Variants in ARHGEF4 observed in about 807,000 individuals in gnomAD.
The protein encoded by ARHGEF4 is APC-stimulated guanine nucleotide exchange factor 1.
ARHGEF4 carries 119 observed loss-of-function variants against 162.0 expected under a neutral mutation model. The ratio of observed to expected loss-of-function variants is 0.73; its 90% confidence interval spans 0.63 to 0.86. The LOEUF is 0.86. Among genes scored for constraint, ARHGEF4 ranks in the 40% least tolerant of loss-of-function variants. The probability of loss-of-function intolerance (pLI) is 0.00; values close to 1 mark genes in which losing one functional copy is unlikely to be tolerated. For synonymous variants in ARHGEF4, 1,014 were observed against 979.9 expected, an observed-to-expected ratio of 1.03 and a Z score of -0.65; for missense variants, 2,488 against 2,456.0, an observed-to-expected ratio of 1.01 and a Z score of -0.28.
intron 1 of ARHGEF4, among the ~76,000 whole-genome samples, chr2:130,872,005 ACACCAGC>A (rs1376676784): frequency 6.6e-5 from 10 of 152,370 alleles, no homozygotes; most frequent in African/African-American, 2.4e-4. Flanking sequence ...GCCTAGCAGA[ACACCAGC>A]TGTGCATCTG....
chr2:130,850,371 C>G (rs905126800), intron 1 of ARHGEF4, among the ~76,000 whole-genome samples: 1 of 152,214 alleles, frequency 6.6e-6, no homozygotes, highest in Admixed American at 6.5e-5. Context: ...TACCCGTGTC[C>G]CAAGTCTGCC....
At chr2:131,044,565 G>A in intron 12 of ARHGEF4, 23 bp downstream of exon 12, 1 of 1,540,622 alleles carries the variant, frequency 6.5e-7, no homozygotes, top group Non-Finnish European at 8.8e-7. Flanking sequence ...GCTGGGCCTT[G>A]CCCCGCCCCC....
At chr2:130,952,218 A>G (rs951877385) in intron 4 of ARHGEF4, among the ~76,000 whole-genome samples, 18 of 152,168 alleles carry the variant, frequency 1.2e-4, no homozygotes, top group African/African-American at 4.1e-4. Context: ...ACTAGCAACA[A>G]ATTTTCTCAG....
chr2:130,961,968 C>T (rs1217389263), intron 4 of ARHGEF4, among the ~76,000 whole-genome samples: 13 of 152,184 alleles, frequency 8.5e-5, no homozygotes, highest in African/African-American at 2.2e-4. Flanking sequence ...AGGCCGGGCG[C>T]GGTGGCTCAT....
chr2:130,950,975 G>A (rs1374705936), intron 4 of ARHGEF4, among the ~76,000 whole-genome samples: 4 of 152,268 alleles, frequency 2.6e-5, no homozygotes, highest in East Asian at 3.9e-4. Flanking sequence ...CAGTGCTAGG[G>A]AGATGGCTTC....
intron 4 of ARHGEF4, among the ~76,000 whole-genome samples, chr2:130,956,043 G>A (rs932091631): frequency 1.3e-5 from 2 of 152,188 alleles, no homozygotes; most frequent in African/African-American, 4.8e-5. Context: ...CCTTGGGGAG[G>A]GAGAGCAGTA....
intron 4 of ARHGEF4, among the ~76,000 whole-genome samples, chr2:130,950,690 C>CCCCG (rs1553430113): frequency 3.4e-5 from 5 of 149,124 alleles, no homozygotes; most frequent in Middle Eastern, 3.2e-3. Context: ...GCTATTACCC[C>CCCCG]CCACCACCAC....
intron 4 of ARHGEF4, among the ~76,000 whole-genome samples, chr2:131,015,157 C>G (rs939975198): frequency 6.6e-6 from 1 of 152,156 alleles, no homozygotes; most frequent in Non-Finnish European, 1.5e-5. Flanking sequence ...GACGAAGGAG[C>G]CTGAGAGAAG....
rs1228385822 is a variant in ARHGEF4, at chr2:131,043,308, TCCTC to T, written c.5026-141_5026-138del. 3 of 1,096,114 alleles carry T rather than the reference TCCTC, an allele frequency of 2.7e-6. No homozygotes were observed. The African/African-American group carries it at 4.7e-5, about 17-fold the overall frequency. The allele number at this position is 1,096,114 out of a possible 1,614,324, so 67.9% of individuals were successfully genotyped here. On this transcript the variant is annotated intron_variant, in intron 10 of 13. Transcript: ENST00000409359. Reference sequence around the variant, plus strand: ...CTCACAGGCCAGACGTGCCACCTCTTCCTCCCCCTCCCACCATGGCCTGGCCAGG... The same window carrying T: ...CTCACAGGCCAGACGTGCCACCTCTTCCCCTCCCACCATGGCCTGGCCAGG...
intron 5 of ARHGEF4, among the ~76,000 whole-genome samples, chr2:131,033,668 G>A (rs1690023312): frequency 6.6e-6 from 1 of 152,194 alleles, no homozygotes; most frequent in South Asian, 2.1e-4. Flanking sequence ...GACTTTAGAT[G>A]TCTTCTGATC....
At chr2:130,874,331 C>T (rs966614775) in intron 1 of ARHGEF4, among the ~76,000 whole-genome samples, 1 of 152,214 alleles carries the variant, frequency 6.6e-6, no homozygotes, top group African/African-American at 2.4e-5. Context: ...GGTGGAAGCA[C>T]ATTGGTGGGG....
intron 4 of ARHGEF4, 109 bp from the exon 5 acceptor site, chr2:131,027,836 C>A: frequency 7.4e-7 from 1 of 1,347,822 alleles, no homozygotes; most frequent in East Asian, 2.3e-5. Context: ...CACGCTCCCC[C>A]TGCAGAAGAA....
chr2:130,840,062 A>C lies in ARHGEF4; in HGVS notation c.39+3070A>C, dbSNP rs149155896. Among the ~76,000 whole-genome samples the C allele has an allele frequency of 4.9e-4, 74 of 152,056 alleles. 1 individual carries two copies. In the East Asian group the frequency reaches 0.011, roughly 22 times the overall value. ...GCTGTGCCCCATGACAGGGAAGCCAACCTACTTCCGTGAATTCCTGAGTAC... is the reference window on the plus strand; with the variant it reads ...GCTGTGCCCCATGACAGGGAAGCCACCCTACTTCCGTGAATTCCTGAGTAC... On this transcript the variant is annotated intron_variant, in intron 1 of 13. Coordinates refer to ENST00000409359, the MANE Select transcript of ARHGEF4 (RefSeq NM_001367493.1).
intron 3 of ARHGEF4, among the ~76,000 whole-genome samples, chr2:130,931,689 T>A (rs1486896289): frequency 6.6e-6 from 1 of 152,250 alleles, no homozygotes; most frequent in Non-Finnish European, 1.5e-5. Context: ...CATTATGTTG[T>A]CCATTCAATT....
chr2:130,964,191 C>T (rs1684830163), intron 4 of ARHGEF4: 2 of 985,180 alleles, frequency 2.0e-6, no homozygotes, highest in South Asian at 9.4e-5. Flanking sequence ...GCAACGGGGG[C>T]ATGCGCGGCG....
intron 5 of ARHGEF4, chr2:131,035,318 C>T (rs1690179566): frequency 7.7e-6 from 9 of 1,174,968 alleles, no homozygotes; most frequent in South Asian, 4.2e-5. Flanking sequence ...GCACTCCAGC[C>T]GTTGCCACCC....
chr2:131,040,488 G>A, intron 8 of ARHGEF4, 48 bp downstream of exon 8: 2 of 1,481,704 alleles, frequency 1.3e-6, no homozygotes, highest in South Asian at 1.4e-5. Flanking sequence ...GTTCACAGAG[G>A]CTGCCGCGGG....
At chr2:131,001,764 A>G (rs1687785770) in intron 4 of ARHGEF4, among the ~76,000 whole-genome samples, 1 of 152,230 alleles carries the variant, frequency 6.6e-6, no homozygotes, top group Admixed American at 6.5e-5. Flanking sequence ...TAGGACGATC[A>G]TATTTGTGTA....
chr2:130,869,348 C>G (rs1248364267), intron 1 of ARHGEF4, among the ~76,000 whole-genome samples: 1 of 152,070 alleles, frequency 6.6e-6, no homozygotes, highest in East Asian at 1.9e-4. Context: ...GAACTTGGAG[C>G]CGGATAGATG....
Sources: gnomAD v4.1 joint callset for allele counts (sites outside exome capture counted in the v4.1 genomes callset) on GRCh38, gnomAD v4.1.1 for gene constraint, MANE v1.5 for transcripts, NCBI Gene and HGNC (gene_info 2026-07-23, HGNC 2026-07-21) for gene names.